Variants in TRPC7 observed in about 807,000 individuals in gnomAD.
The protein encoded by TRPC7 is short transient receptor potential channel 7.
Under a neutral mutation model 90.1 loss-of-function variants are expected in TRPC7, and 42 were observed. The ratio of observed to expected loss-of-function variants is 0.47; its 90% CI spans 0.36 to 0.60. TRPC7 has a LOEUF of 0.60. Ranked by LOEUF, TRPC7 falls within the 20% of genes least tolerant of loss-of-function variation. The pLI, the probability that TRPC7 is intolerant of heterozygous loss-of-function variation, is 0.00. For synonymous variants in TRPC7, 451 were observed against 436.3 expected (o/e 1.03, Z -0.42); for missense variants, 955 against 1,112.3 (o/e 0.86, Z 2.01).
At chr5:136,310,278 T>C (rs114846237) in intron 3 of TRPC7, among the ~76,000 whole-genome samples, 2,114 of 152,296 alleles carry the variant, frequency 0.014, 64 homozygotes, top group African/African-American at 0.049. Context: ...ATTTTTTAGC[T>C]TTAAGAGCAA....
At chr5:136,222,931 C>A (rs1053656273) in intron 10 of TRPC7, among the ~76,000 whole-genome samples, 1 of 152,190 alleles carries the variant, frequency 6.6e-6, no homozygotes, top group Non-Finnish European at 1.5e-5. Context: ...TAGTGTCCAG[C>A]CTGCATCCAG....
intron 3 of TRPC7, among the ~76,000 whole-genome samples, chr5:136,280,540 T>C (rs1757515965): frequency 6.6e-6 from 1 of 152,228 alleles, no homozygotes; most frequent in African/African-American, 2.4e-5. Context: ...TAACAAATCC[T>C]GTTACTCAGG....
chr5:136,315,526 G>A (rs1200392373), intron 3 of TRPC7, 71 bp downstream of exon 3: 35 of 1,535,016 alleles, frequency 2.3e-5, no homozygotes, highest in Admixed American at 1.9e-5. Flanking sequence ...ATAGACATGA[G>A]CAAAAAGCAA....
chr5:136,233,546 C>T (rs959982167), intron 7 of TRPC7, among the ~76,000 whole-genome samples: 1 of 152,168 alleles, frequency 6.6e-6, no homozygotes, highest in Non-Finnish European at 1.5e-5. Context: ...AGACAGTAGG[C>T]CGTGATCTCT....
At chr5:136,234,807 ATAAGTGGAC>A (rs1308316637) in intron 7 of TRPC7, among the ~76,000 whole-genome samples, 1 of 152,214 alleles carries the variant, frequency 6.6e-6, no homozygotes, top group African/African-American at 2.4e-5. Flanking sequence ...TGTCATGAAG[ATAAGTGGAC>A]TAACTGAATA....
chr5:136,283,938 G>A (rs531004330), intron 3 of TRPC7, among the ~76,000 whole-genome samples: 2 of 152,272 alleles, frequency 1.3e-5, no homozygotes, highest in Non-Finnish European at 2.9e-5. Context: ...AGTGCACAGA[G>A]CACTTTTAAA....
intron 2 of TRPC7, among the ~76,000 whole-genome samples, chr5:136,320,215 T>A (rs1759148790): frequency 6.6e-6 from 1 of 152,148 alleles, no homozygotes; most frequent in Non-Finnish European, 1.5e-5. Flanking sequence ...ATAACCCACA[T>A]ATAATTTGGT....
At chr5:136,283,405 G>A (rs344823) in intron 3 of TRPC7, among the ~76,000 whole-genome samples, 101,940 of 152,142 alleles carry the variant, frequency 0.67, 35,127 homozygotes, top group African/African-American at 0.85. Flanking sequence ...CAGTCCCCCA[G>A]CAGAGTTGCT....
chr5:136,297,586 A>G (rs1758227491), intron 3 of TRPC7, among the ~76,000 whole-genome samples: 1 of 152,104 alleles, frequency 6.6e-6, no homozygotes, highest in African/African-American at 2.4e-5. Flanking sequence ...TTATAATTAT[A>G]CTAATCTTTT....
At chr5:136,239,393 A>G (rs185136934) in intron 7 of TRPC7, among the ~76,000 whole-genome samples, 32 of 152,346 alleles carry the variant, frequency 2.1e-4, no homozygotes, top group African/African-American at 7.5e-4. Context: ...AGAGATGCCC[A>G]TATTTCAACA....
chr5:136,216,479 T>C (rs1244750790), intron 10 of TRPC7, among the ~76,000 whole-genome samples: 1 of 152,108 alleles, frequency 6.6e-6, no homozygotes, highest in Non-Finnish European at 1.5e-5. Context: ...CAGGATGCAA[T>C]GTGCAACTGA....
chr5:136,253,160 TTAAG>T (rs558551854), intron 5 of TRPC7, among the ~76,000 whole-genome samples: 133 of 152,352 alleles, frequency 8.7e-4, no homozygotes, highest in African/African-American at 3.0e-3. Context: ...ATATGATAGG[TTAAG>T]TATGTTGTTA....
At chr5:136,248,053 C>T (rs576888493) in intron 6 of TRPC7, among the ~76,000 whole-genome samples, 212 of 152,302 alleles carry the variant, frequency 1.4e-3, no homozygotes, top group Non-Finnish European at 2.6e-3. Context: ...TCCCAGTTTC[C>T]GTCTGTGCTC....
intron 3 of TRPC7, among the ~76,000 whole-genome samples, chr5:136,279,835 C>T (rs946141938): frequency 2.0e-5 from 3 of 152,208 alleles, no homozygotes; most frequent in Non-Finnish European, 4.4e-5. Context: ...CACCCCCTGT[C>T]TATGTTCAAA....
intron 3 of TRPC7, among the ~76,000 whole-genome samples, chr5:136,304,068 T>C (rs1214158259): frequency 6.7e-6 from 1 of 148,298 alleles, no homozygotes; most frequent in African/African-American, 2.5e-5. Context: ...AGTTCCCTTA[T>C]TAGGCTGAGA....
intron 7 of TRPC7, among the ~76,000 whole-genome samples, chr5:136,242,704 C>T (rs1234058106): frequency 6.6e-6 from 1 of 152,188 alleles, no homozygotes; most frequent in Non-Finnish European, 1.5e-5. Flanking sequence ...ATTAGCATTT[C>T]TCATACTGTG....
rs927529511 is a variant in TRPC7 at position 136,317,153 on chromosome 5, T to G, written c.781-1374A>C. On this transcript the variant is annotated intron_variant, in intron 2 of 11. Coordinates refer to ENST00000513104, the MANE Select transcript of TRPC7 (RefSeq NM_020389.3). The stretch of plus-strand genomic sequence containing the variant: ...ATAATTTAGGTAGAAGAAGGGAGTT[T>G]CAGAAATTCTGGGTGGAAAAATGAC... Among the ~76,000 whole-genome samples the G allele has an allele frequency of 2.0e-5, 3 of 152,146 alleles. No individual in the cohort carries two copies. In the East Asian group the frequency reaches 5.8e-4, roughly 29 times the overall value.
chr5:136,293,463 T>A (rs1758038847), intron 3 of TRPC7, among the ~76,000 whole-genome samples: 1 of 152,190 alleles, frequency 6.6e-6, no homozygotes, highest in Non-Finnish European at 1.5e-5. Context: ...AAAATCAATG[T>A]GCAAAAATCA....
chr5:136,292,848 G>C (rs1055729240), intron 3 of TRPC7, among the ~76,000 whole-genome samples: 19 of 152,188 alleles, frequency 1.2e-4, no homozygotes, highest in African/African-American at 4.1e-4. Context: ...CCAAAAAAGA[G>C]AATTTTATAC....
Sources: gnomAD v4.1 joint callset for allele counts (sites outside exome capture counted in the v4.1 genomes callset) on GRCh38, gnomAD v4.1.1 for gene constraint, MANE v1.5 for transcripts, NCBI Gene and HGNC (gene_info 2026-07-23, HGNC 2026-07-21) for gene names.